Variants in PLA2G15 observed in about 807,000 individuals in gnomAD.
PLA2G15 encodes lysosomal phospholipase A and acyltransferase.
PLA2G15 carries 20 observed loss-of-function variants against 40.9 expected under a neutral mutation model. The observed-to-expected ratio is 0.49, with a 90% CI of 0.34 to 0.71. PLA2G15 has a LOEUF of 0.71. PLA2G15 is among the 30% of genes least tolerant of loss of function. PLA2G15 has a pLI of 0.01. For missense variants in PLA2G15, 471 were observed against 541.9 expected, an observed-to-expected ratio of 0.87 and a Z score of 1.30; for synonymous variants, 223 against 228.2, an observed-to-expected ratio of 0.98 and a Z score of 0.21.
intron 1 of PLA2G15, chr16:68,248,784 A>G: frequency 1.1e-6 from 1 of 885,324 alleles, no homozygotes; most frequent in African/African-American, 1.8e-5. Context: ...CAGAGCTCCC[A>G]TCGGGGTCCA....
At chr16:68,258,589 G>A (rs2042419048) in intron 5 of PLA2G15, among the ~76,000 whole-genome samples, 1 of 152,080 alleles carries the variant, frequency 6.6e-6, no homozygotes, top group Admixed American at 6.6e-5. Flanking sequence ...AAGCAAACTG[G>A]GCAACATAGC....
At position 68,255,058 on chromosome 16, in the gene PLA2G15, G is replaced by A; in HGVS notation, c.403+21G>A. The A allele has an allele frequency of 6.8e-7, 1 of 1,480,082 alleles. No individual in the cohort carries two copies. The highest frequency in any genetic ancestry group is 9.4e-7 in the Non-Finnish European group (1 of 1,058,386). 91.7% of individuals were successfully genotyped at this position (1,480,082 alleles called of 1,614,324 possible). Reference sequence around the variant, plus strand: ...CGTGGGTATGTAGCCCTTACTCAAGGCCTCCGGGAGCTGGGATGGGGTTTC... The same window carrying A: ...CGTGGGTATGTAGCCCTTACTCAAGACCTCCGGGAGCTGGGATGGGGTTTC... On this transcript the variant is annotated intron_variant, in intron 3 of 5. Transcript: ENST00000219345. The surrounding 1 kb of genome is among the most constrained non-coding windows in gnomAD (Gnocchi z 5.9).
chr16:68,253,429 T>C, intron 2 of PLA2G15: 1 of 438,930 alleles, frequency 2.3e-6, no homozygotes, highest in Non-Finnish European at 4.5e-6. Context: ...CAGGCTGGAG[T>C]GCAGTGGCGC....
chr16:68,255,420 G>A lies in PLA2G15; in HGVS notation c.502+40G>A, dbSNP rs756178040. On this transcript the variant is annotated intron_variant, in intron 4 of 5. Transcript: ENST00000219345. The surrounding 1 kb of genome is among the most constrained non-coding windows in gnomAD (Gnocchi z 5.9). ...TCATTCCCTCCCTGACGTCTCGGGA[G>A]GTAGGGGTGAGGTGATCATGGGCAC... The A allele has an allele frequency of 7.0e-7, 1 of 1,425,672 alleles. No individual in the cohort carries two copies. Among genetic ancestry groups the A allele is most frequent in the East Asian group, 2.3e-5 (1 of 43,812 alleles). 88.3% of individuals were successfully genotyped at this position (1,425,672 alleles called of 1,614,324 possible).
In PLA2G15 at chr16:68,245,699, G is replaced by A. The variant is rs1186730211; in HGVS notation, c.127+146G>A. On this transcript the variant is annotated intron_variant, in intron 1 of 5. Transcript: ENST00000219345. ...GTCACTTAGGTGATCTAGATCTGCCGGCTCACCTCCCGCCATGCTGGGCGC... is the reference window on the plus strand; with the variant it reads ...GTCACTTAGGTGATCTAGATCTGCCAGCTCACCTCCCGCCATGCTGGGCGC... The A allele has an allele frequency of 2.7e-5, 26 of 976,040 alleles. No homozygotes were observed. The African/African-American group carries it at 2.9e-4, about 11-fold the overall frequency. The allele number at this position is 976,040 out of a possible 1,614,324, so 60.5% of individuals were successfully genotyped here. A position where few individuals can be genotyped will look rare whatever the true frequency, so the allele number is the denominator to read the frequency against.
intron 5 of PLA2G15, 105 bp downstream of exon 5, chr16:68,256,095 C>T (rs1172718045): frequency 1.3e-5 from 9 of 701,714 alleles, no homozygotes; most frequent in South Asian, 1.9e-5. Flanking sequence ...GTCTGTCCCA[C>T]GGTGTGTGGG....
Position 68,245,378 on chromosome 16 carries a change from C to T in PLA2G15, c.-49C>T, listed in dbSNP as rs2042298453. 10 of 1,588,738 alleles carry T rather than the reference C, an allele frequency of 6.3e-6. No homozygotes were observed. Among genetic ancestry groups the T allele is most frequent in the African/African-American group, 1.3e-5 (1 of 74,562 alleles). On this transcript the variant is annotated 5_prime_UTR_variant, in exon 1 of 6. Transcript: ENST00000219345. ...GCCACCGCCCCCGCCTAGGCGAGAG[C>T]CCAGAGAGCTGAACCTGCATCCCGG...
intron 5 of PLA2G15, chr16:68,258,926 C>G: frequency 8.9e-6 from 5 of 563,556 alleles, no homozygotes; most frequent in Non-Finnish European, 1.6e-5. Flanking sequence ...TGCCATTATA[C>G]TCCAGCCTGG....
In PLA2G15 at chr16:68,255,303, T is replaced by C; in HGVS notation, c.425T>C (p.Val142Ala). 1.2e-5 allele frequency: 19 copies of C among 1,613,782 alleles called. No homozygotes were observed. Among genetic ancestry groups the C allele is most frequent in the Non-Finnish European group, 1.5e-5 (18 of 1,179,716 alleles). The change falls in exon 4 of 6, where the codon GTG becomes GCG. Residue 142 changes from valine (V) to alanine (A), a missense_variant. By Grantham distance (64) the Val-to-Ala change is moderately conservative. Transcript: ENST00000219345. The surrounding 1 kb of genome is among the most constrained non-coding windows in gnomAD (Gnocchi z 5.9). ...ACAGGTTCCTATTTCCACACCATGG[T>C]GGAGAGCCTTGTGGGCTGGGGCTAC... is the stretch of plus-strand genomic sequence containing the variant. ...SSVGSYFHTMVESLVGWGYTR... is the reference protein window; with the variant it reads ...SSVGSYFHTMAESLVGWGYTR...
At chr16:68,248,619 G>A (rs145396638) in intron 1 of PLA2G15, 413 of 354,732 alleles carry the variant, frequency 1.2e-3, no homozygotes, top group African/African-American at 5.9e-3. Context: ...ACTCCTGACC[G>A]CAAGTGATCC....
intron 1 of PLA2G15, chr16:68,248,263 C>G (rs1026698892): frequency 2.6e-5 from 4 of 151,984 alleles, no homozygotes; most frequent in African/African-American, 9.7e-5. Flanking sequence ...TGAATTTTAG[C>G]TGAGTGGCCC....
At chr16:68,246,543 G>A (rs2042310720) in intron 1 of PLA2G15, among the ~76,000 whole-genome samples, 1 of 152,188 alleles carries the variant, frequency 6.6e-6, no homozygotes, top group South Asian at 2.1e-4. Context: ...GTGGTGCCAG[G>A]CAGGCCCCAC....
In PLA2G15 at chr16:68,259,608, C is replaced by G. The variant is rs1463339330; in HGVS notation, c.1190C>G (p.Ala397Gly). 3.1e-6 allele frequency: 5 copies of G among 1,613,186 alleles called. No homozygotes were observed. Among genetic ancestry groups the G allele is most frequent in the African/African-American group, 2.7e-5 (2 of 74,934 alleles). ...LPGSEHIEMLANATTLAYLKR... is the reference protein window; with the variant it reads ...LPGSEHIEMLGNATTLAYLKR... ...GGCAGCGAGCACATCGAGATGCTGG[C>G]CAACGCCACCACCCTGGCCTATCTG... is the stretch of plus-strand genomic sequence containing the variant. Residue 397 changes from alanine to glycine, a missense_variant, in exon 6 of 6, where the codon GCC (alanine) becomes GGC (glycine). Coordinates refer to ENST00000219345, the MANE Select transcript of PLA2G15 (RefSeq NM_012320.4). The surrounding 1 kb of genome is among the most constrained non-coding windows in gnomAD (Gnocchi z 6.5).
Position 68,245,438 on chromosome 16 carries a change from C to T in PLA2G15, c.12C>T (p.His4=). Residue 4 remains histidine (H), a synonymous_variant, in exon 1 of 6, where the codon CAC becomes CAT. Coordinates refer to ENST00000219345, the MANE Select transcript of PLA2G15 (RefSeq NM_012320.4). MGL[H]LRPYRVGLLP... ...GACCGTCGTACACCATGGGCCTCCA[C>T]CTCCGCCCCTACCGTGTGGGGCTGC... 3.1e-6 allele frequency: 5 copies of T among 1,604,890 alleles called. No individual in the cohort carries two copies. The highest frequency in any genetic ancestry group is 3.4e-6 in the Non-Finnish European group (4 of 1,179,746).
In PLA2G15 at chr16:68,252,282, C is replaced by G. The variant is rs577627145; in HGVS notation, c.285-2637C>G. Among the ~76,000 whole-genome samples, 21 of 152,238 alleles carry G rather than the reference C, an allele frequency of 1.4e-4. No individual in the cohort carries two copies. The East Asian group carries it at 3.9e-3, about 28-fold the overall frequency. ...GGCCTCCAGGACCTGTTATCTGGGT[C>G]AGTTGTGGGGATCCTGTCAGCTTCA... On this transcript the variant is annotated intron_variant, in intron 2 of 5. Coordinates refer to ENST00000219345, the MANE Select transcript of PLA2G15 (RefSeq NM_012320.4).
At chr16:68,254,241 A>C (rs1023819480) in intron 2 of PLA2G15, 1 of 152,118 alleles carries the variant, frequency 6.6e-6, no homozygotes, top group African/African-American at 2.4e-5. Context: ...TCCTGGGGTC[A>C]GTATTTGGAG....
intron 1 of PLA2G15, 141 bp from the exon 2 acceptor site, chr16:68,249,148 GT>G: frequency 1.5e-6 from 1 of 669,424 alleles, no homozygotes; most frequent in Non-Finnish European, 2.6e-6. Flanking sequence ...CACCAGCACT[GT>G]GCTTTAATTT....
chr16:68,245,607 C>A (rs766092286), intron 1 of PLA2G15, 54 bp downstream of exon 1: 1 of 1,533,204 alleles, frequency 6.5e-7, no homozygotes, highest in South Asian at 1.2e-5. Flanking sequence ...GGGCCGCGGG[C>A]GGGGCTGCCT....
intron 2 of PLA2G15, 47 bp from the exon 3 acceptor site, chr16:68,254,872 G>A (rs755403299): frequency 3.4e-6 from 4 of 1,173,742 alleles, no homozygotes; most frequent in African/African-American, 1.5e-5. Context: ...GACACACCAA[G>A]CTCAGTGTCC....
Sources: allele counts gnomAD v4.1 joint callset (sites outside exome capture counted in the v4.1 genomes callset), GRCh38; gene constraint gnomAD v4.1.1; non-coding constraint Gnocchi (gnomAD v3.1); transcripts MANE v1.5; gene names NCBI Gene and HGNC (gene_info 2026-07-23, HGNC 2026-07-21).